IL18RAP: variants seen among roughly 807,000 people sequenced by gnomAD.
IL18RAP encodes interleukin 18 receptor accessory protein.
A neutral mutation model predicts 58.1 loss-of-function variants in IL18RAP; 37 were observed. That is an observed-to-expected ratio of 0.64 (90% CI 0.49 to 0.84). The LOEUF (loss-of-function observed/expected upper bound fraction) is 0.84. IL18RAP is among the 40% of genes least tolerant of loss of function. The probability of loss-of-function intolerance (pLI) is 0.00; values close to 1 mark genes in which losing one functional copy is unlikely to be tolerated. For missense variants in IL18RAP, 667 were observed against 704.8 expected (o/e 0.95, Z 0.61); for synonymous variants, 268 against 257.5 (o/e 1.04, Z -0.39).
chr2:102,431,690 T>C (rs1478222626), intron 3 of IL18RAP, among the ~76,000 whole-genome samples: 2 of 152,142 alleles, frequency 1.3e-5, no homozygotes, highest in African/African-American at 4.8e-5. Context: ...GTTGATATTA[T>C]AGTTCAGGTA....
chr2:102,445,227 A>G lies in IL18RAP; in HGVS notation c.959A>G (p.Asn320Ser). 1 of 1,614,112 alleles carries G rather than the reference A, an allele frequency of 6.2e-7. No individual in the cohort carries two copies. Among genetic ancestry groups the G allele is most frequent in the Admixed American group, 1.7e-5 (1 of 60,028 alleles). ...TTAAAGGATGAAATCATTGAGCGTA[A>G]TATCATCTTGGAAAAAGTCACTCAG... ...STLKDEIIER[N>S]IILEKVTQRD... The change falls in exon 7 of 10, where the codon AAT becomes AGT. Residue 320 changes from asparagine (N) to serine (S), a missense_variant. Physicochemically the swap from Asn to Ser is conservative, Grantham distance 46 (BLOSUM62 1). Transcript: ENST00000687160.
At chr2:102,439,752 G>A (rs886708821) in intron 4 of IL18RAP, 2 of 152,120 alleles carry the variant, frequency 1.3e-5, no homozygotes, top group African/African-American at 4.8e-5. Context: ...AAGAGCATTT[G>A]AAGAGGAGAT....
chr2:102,445,430 C>A (rs11465717), intron 7 of IL18RAP, 90 bp downstream of exon 7: 3 of 1,305,078 alleles, frequency 2.3e-6, no homozygotes, highest in Non-Finnish European at 3.3e-6. Context: ...ATGATGACAG[C>A]GATTACATTT....
At chr2:102,436,535 G>C (rs6746271) in intron 3 of IL18RAP, among the ~76,000 whole-genome samples, 118,028 of 151,964 alleles carry the variant, frequency 0.78, 46,885 homozygotes, top group African/African-American at 0.9. Context: ...GGAAACACAC[G>C]AGGGATGTGG....
upstream of IL18RAP, among the ~76,000 whole-genome samples, chr2:102,422,196 C>G (rs1401057962): frequency 6.6e-6 from 1 of 152,218 alleles, no homozygotes; most frequent in Non-Finnish European, 1.5e-5. Flanking sequence ...TTGGTGGACA[C>G]TTTTCAGTCC....
In IL18RAP at chr2:102,450,945, C is replaced by T. The variant is rs189690031; in HGVS notation, c.1308C>T (p.Ser436=). ...SSLSEEHLAL[S]LFPDVLENKY... is the part of the protein sequence containing the mutation. ...TGAGTGAAGAACACTTGGCCCTGAG[C>T]CTATTTCCTGATGTTTTAGAAAACA... The change falls in exon 9 of 10, where the codon AGC becomes AGT. Residue 436 remains serine, a synonymous_variant. Transcript: ENST00000687160. The T allele has an allele frequency of 3.7e-6, 6 of 1,612,008 alleles. No individual in the cohort carries two copies. In the East Asian group the frequency reaches 1.3e-4, roughly 36 times the overall value.
rs781512566 is a variant in IL18RAP, at chr2:102,451,783, G to T, written c.1402G>T (p.Val468Leu). 3.7e-6 allele frequency: 6 copies of T among 1,611,876 alleles called. No homozygotes were observed. In the South Asian group the frequency reaches 6.6e-5, roughly 18 times the overall value. Residue 468 changes from valine to leucine, a missense_variant, in exon 10 of 10, where the codon GTG becomes TTG. Physicochemically the swap from Val to Leu is conservative, Grantham distance 32 (BLOSUM62 1). Transcript: ENST00000687160. ...ATTTCCAGTGTATGCAGAAGACATT[G>T]TGAGCATTATTAAGAGAAGCAGAAG... ...APGGVYAEDI[V>L]SIIKRSRRGI...
At chr2:102,443,799 G>A (rs1005955079) in intron 6 of IL18RAP, among the ~76,000 whole-genome samples, 15 of 152,154 alleles carry the variant, frequency 9.9e-5, no homozygotes, top group South Asian at 8.3e-4. Context: ...ACTTAACCCC[G>A]AAAAAGAGGC....
At chr2:102,429,263 G>A (rs1682176437) in intron 3 of IL18RAP, among the ~76,000 whole-genome samples, 3 of 151,850 alleles carry the variant, frequency 2.0e-5, no homozygotes, top group Admixed American at 1.3e-4. Flanking sequence ...TTATTGGTCT[G>A]TTTAGATTTT....
In IL18RAP at chr2:102,450,819, A is replaced by G. The variant is rs1435411427; in HGVS notation, c.1211-29A>G. 5 of 1,465,698 alleles carry G rather than the reference A, an allele frequency of 3.4e-6. No individual in the cohort carries two copies. The African/African-American group carries it at 5.7e-5, about 17-fold the overall frequency. 90.8% of individuals were successfully genotyped at this position (1,465,698 alleles called of 1,614,324 possible). On this transcript the variant is annotated intron_variant, in intron 8 of 9. Coordinates refer to ENST00000687160, the MANE Select transcript of IL18RAP (RefSeq NM_001393487.1). ...CAGTAAAAAAAAGAGTAAATGACTT[A>G]TGTTTTTATAAATTTTCCTATTCTT...
upstream of IL18RAP, chr2:102,419,838 C>T (rs1373071102): frequency 6.6e-6 from 1 of 152,216 alleles, no homozygotes; most frequent in African/African-American, 2.4e-5. Flanking sequence ...CCATTCCAAG[C>T]AATGTGAGCC....
At chr2:102,443,177 T>C (rs2104367155) in intron 5 of IL18RAP, 23 bp from the exon 6 acceptor site, 1 of 1,594,964 alleles carries the variant, frequency 6.3e-7, no homozygotes, top group East Asian at 2.2e-5. Flanking sequence ...CCTTCTTGTT[T>C]TCTCTGGCCT....
chr2:102,451,907 T>A lies in IL18RAP; in HGVS notation c.1526T>A (p.Leu509His). The A allele has an allele frequency of 6.2e-7, 1 of 1,614,136 alleles. No individual in the cohort carries two copies. The highest frequency in any genetic ancestry group is 8.5e-7 in the Non-Finnish European group (1 of 1,180,030). ...NLALDDQTLK[L>H]ILIKFCYFQE... Reference sequence around the variant, plus strand: ...GCCTTGGATGATCAAACACTGAAACTCATTTTAATTAAGTTCTGTTACTTC... The same window carrying A: ...GCCTTGGATGATCAAACACTGAAACACATTTTAATTAAGTTCTGTTACTTC... Residue 509 changes from leucine (L) to histidine (H), a missense_variant, in exon 10 of 10, where the codon CTC becomes CAC. By Grantham distance (99) the Leu-to-His change is moderately conservative. Coordinates refer to ENST00000687160, the MANE Select transcript of IL18RAP (RefSeq NM_001393487.1).
intron 5 of IL18RAP, among the ~76,000 whole-genome samples, chr2:102,442,761 C>T (rs1322110606): frequency 3.9e-5 from 6 of 152,110 alleles, no homozygotes; most frequent in Non-Finnish European, 1.5e-5. Flanking sequence ...TTATTTAAAC[C>T]ACGTGCTACA....
chr2:102,424,484 TG>T, intron 3 of IL18RAP, 70 bp downstream of exon 3: 1 of 1,388,846 alleles, frequency 7.2e-7, no homozygotes, highest in Non-Finnish European at 9.9e-7. Flanking sequence ...GGGCTTTTCA[TG>T]GAAAAGCGTG....
At chr2:102,427,790 G>A (rs1682052129) in intron 3 of IL18RAP, among the ~76,000 whole-genome samples, 1 of 151,972 alleles carries the variant, frequency 6.6e-6, no homozygotes, top group Non-Finnish European at 1.5e-5. Flanking sequence ...GTGCTGTAGA[G>A]CTTTCCCTCT....
In IL18RAP at chr2:102,436,821, A is replaced by G. The variant is rs200857678; in HGVS notation, c.580-391A>G. Reference sequence around the variant, plus strand: ...TGTATATATATGTGTGTGTGTGTGTATATATATATATGTATGTATACACAC... The same window carrying G: ...TGTATATATATGTGTGTGTGTGTGTGTATATATATATGTATGTATACACAC... On this transcript the variant is annotated intron_variant, in intron 3 of 9. Coordinates refer to ENST00000687160, the MANE Select transcript of IL18RAP (RefSeq NM_001393487.1). Among the ~76,000 whole-genome samples, 111 of 111,204 alleles carry G rather than the reference A, an allele frequency of 1.0e-3. 1 individual carries two copies. Among genetic ancestry groups the G allele is most frequent in the African/African-American group, 2.9e-3 (74 of 25,536 alleles). 73.0% of individuals were successfully genotyped at this position (111,204 alleles called of 152,430 possible). A position where few individuals can be genotyped will look rare whatever the true frequency, so the allele number is the denominator to read the frequency against.
intron 3 of IL18RAP, 96 bp downstream of exon 3, chr2:102,424,510 G>A (rs1681808324): frequency 6.3e-6 from 7 of 1,117,020 alleles, no homozygotes; most frequent in Non-Finnish European, 8.9e-6. Flanking sequence ...AGAATCTGAG[G>A]TATACAGCTT....
chr2:102,424,496 T>C, intron 3 of IL18RAP, 82 bp downstream of exon 3: 8 of 1,268,132 alleles, frequency 6.3e-6, no homozygotes, highest in South Asian at 1.4e-5. Context: ...GAAAAGCGTG[T>C]TTGAGAATCT....
Sources: allele counts gnomAD v4.1 joint callset (sites outside exome capture counted in the v4.1 genomes callset), GRCh38; gene constraint gnomAD v4.1.1; transcripts MANE v1.5; gene names NCBI Gene and HGNC (gene_info 2026-07-23, HGNC 2026-07-21).